PCDHA2: variants seen among roughly 807,000 people sequenced by gnomAD.
PCDHA2 encodes the protein protocadherin alpha-2.
PCDHA2 carries 58 observed loss-of-function variants against 66.0 expected under a neutral mutation model. That is an observed-to-expected ratio of 0.88 (90% confidence interval 0.71 to 1.09). PCDHA2 has a LOEUF of 1.09. Among genes scored for constraint, PCDHA2 ranks in the 50% least tolerant of loss-of-function variants. PCDHA2 has a pLI of 0.00. For synonymous variants in PCDHA2, 634 were observed against 554.0 expected, an observed-to-expected ratio of 1.14 and a Z score of -2.03; for missense variants, 1,267 against 1,242.3, an observed-to-expected ratio of 1.02 and a Z score of -0.30.
In PCDHA2 at chr5:140,858,360, G is replaced by A. The variant is rs782369682; in HGVS notation, c.2388+61008G>A. The stretch of plus-strand genomic sequence containing the variant: ...CCCAAGGCGGACCTCATGGCCTTCA[G>A]CCCCAGCCTTCCACCATGCCCAATG... On this transcript the variant is annotated intron_variant, in intron 1 of 3. Coordinates refer to ENST00000526136, the MANE Select transcript of PCDHA2 (RefSeq NM_018905.3). 3 of 1,592,532 alleles carry A rather than the reference G, an allele frequency of 1.9e-6. No homozygotes were observed. The South Asian group carries it at 3.3e-5, about 18-fold the overall frequency.
intron 1 of PCDHA2, chr5:140,811,526 T>G (rs1357624098): frequency 6.6e-6 from 1 of 152,152 alleles, no homozygotes; most frequent in South Asian, 2.1e-4. Context: ...ATATACCCAG[T>G]AATGGGTCAA....
At chr5:140,813,478 T>C (rs2126646708) in intron 1 of PCDHA2, 2 of 152,182 alleles carry the variant, frequency 1.3e-5, no homozygotes, top group Non-Finnish European at 1.5e-5. Flanking sequence ...TACCTAAATA[T>C]ATCTAAACAT....
At chr5:140,881,931 G>T in intron 1 of PCDHA2, 1 of 276,824 alleles carries the variant, frequency 3.6e-6, no homozygotes, top group South Asian at 8.8e-5. Flanking sequence ...GCAGTGATTT[G>T]CTGTTTCTGG....
chr5:140,841,624 G>C, intron 1 of PCDHA2: 1 of 1,614,152 alleles, frequency 6.2e-7, no homozygotes, highest in Non-Finnish European at 8.5e-7. Flanking sequence ...GGAGCGCGGA[G>C]TGCAGCATCC....
At chr5:140,834,481 A>G in intron 1 of PCDHA2, 6 of 1,614,090 alleles carry the variant, frequency 3.7e-6, no homozygotes, top group Non-Finnish European at 5.1e-6. Flanking sequence ...CAGCTCCACT[A>G]CTCGGTCCCC....
At chr5:140,883,989 G>C (rs1554180956) in intron 1 of PCDHA2, 1 of 1,612,834 alleles carries the variant, frequency 6.2e-7, no homozygotes, top group Non-Finnish European at 8.5e-7. Flanking sequence ...GGCAGCGCGG[G>C]AGGCACAGTG....
intron 1 of PCDHA2, chr5:140,857,586 G>A: frequency 6.3e-7 from 1 of 1,596,656 alleles, no homozygotes; most frequent in Non-Finnish European, 8.6e-7. Flanking sequence ...CACGCGGAGA[G>A]CGGCAAGGTG....
At chr5:140,952,962 C>A (rs246032) in intron 1 of PCDHA2, among the ~76,000 whole-genome samples, 85,448 of 151,620 alleles carry the variant, frequency 0.56, 24,697 homozygotes, top group African/African-American at 0.69. Context: ...GGAAGTGATA[C>A]ACACTTTTAA....
At chr5:140,834,812 G>A in intron 1 of PCDHA2, 1 of 1,612,600 alleles carries the variant, frequency 6.2e-7, no homozygotes, top group African/African-American at 1.3e-5. Flanking sequence ...TGTTCATCGC[G>A]GAATCCAGGC....
intron 1 of PCDHA2, chr5:140,828,741 G>A (rs201515728): frequency 8.7e-6 from 14 of 1,614,102 alleles, no homozygotes; most frequent in African/African-American, 1.3e-5. Context: ...GCCACAGATG[G>A]GGGCAAACCT....
chr5:140,814,795 A>T (rs1019265696), intron 1 of PCDHA2: 4 of 152,170 alleles, frequency 2.6e-5, no homozygotes, highest in African/African-American at 9.6e-5. Context: ...GTTGTTATAC[A>T]ACACTTGACT....
intron 1 of PCDHA2, among the ~76,000 whole-genome samples, chr5:140,837,441 C>A (rs1199592642): frequency 6.6e-6 from 1 of 151,714 alleles, no homozygotes; most frequent in Admixed American, 6.6e-5. Flanking sequence ...AAATCTAGTA[C>A]GTAGTAAAAA....
intron 1 of PCDHA2, among the ~76,000 whole-genome samples, chr5:140,855,588 A>G (rs924591016): frequency 6.7e-6 from 1 of 149,870 alleles, no homozygotes; most frequent in Non-Finnish European, 1.5e-5. Flanking sequence ...AAATATTAGT[A>G]TACTCAGTAG....
chr5:140,890,350 T>C (rs1199144948), intron 1 of PCDHA2, among the ~76,000 whole-genome samples: 1 of 152,186 alleles, frequency 6.6e-6, no homozygotes, highest in Non-Finnish European at 1.5e-5. Flanking sequence ...GTTTACTATA[T>C]AGCAATGGAT....
intron 1 of PCDHA2, among the ~76,000 whole-genome samples, chr5:140,897,304 G>C (rs1297881439): frequency 1.7e-4 from 25 of 150,768 alleles, no homozygotes; most frequent in African/African-American, 6.1e-4. Flanking sequence ...TTTAGCATTA[G>C]GTATATCTCC....
At chr5:140,832,640 G>T (rs2150203055) in intron 1 of PCDHA2, among the ~76,000 whole-genome samples, 1 of 152,252 alleles carries the variant, frequency 6.6e-6, no homozygotes, top group Middle Eastern at 3.4e-3. Flanking sequence ...TCCTAGGAGG[G>T]TCTTTAAGAG....
intron 1 of PCDHA2, among the ~76,000 whole-genome samples, chr5:140,926,112 A>G (rs556372882): frequency 3.3e-4 from 51 of 152,258 alleles, no homozygotes; most frequent in African/African-American, 1.2e-3. Context: ...AAGAGGGTGC[A>G]GGACAGACTT....
At chr5:140,878,725 A>G (rs1230048195) in intron 1 of PCDHA2, among the ~76,000 whole-genome samples, 1 of 152,252 alleles carries the variant, frequency 6.6e-6, no homozygotes, top group African/African-American at 2.4e-5. Flanking sequence ...TAAAATTTCC[A>G]GCCTTATATC....
At chr5:140,934,684 A>G (rs1026507859) in intron 1 of PCDHA2, among the ~76,000 whole-genome samples, 1 of 152,178 alleles carries the variant, frequency 6.6e-6, no homozygotes, top group African/African-American at 2.4e-5. Context: ...TATTCAAAAC[A>G]ATGAATTGAT....
Sources: gnomAD v4.1 joint callset for allele counts (sites outside exome capture counted in the v4.1 genomes callset) on GRCh38, gnomAD v4.1.1 for gene constraint, MANE v1.5 for transcripts, NCBI Gene and HGNC (gene_info 2026-07-23, HGNC 2026-07-21) for gene names.